The following ADGRV1 variants were observed in gnomAD, a reference collection of about 807,000 sequenced individuals.
ADGRV1 encodes adhesion G protein-coupled receptor V1.
A neutral mutation model predicts 596.2 loss-of-function variants in ADGRV1; 359 were observed. The observed-to-expected ratio is 0.60, with a 90% CI of 0.55 to 0.66. ADGRV1 has a LOEUF of 0.66. Ranked by LOEUF, ADGRV1 falls within the 30% of genes least tolerant of loss-of-function variation. The pLI, the probability that ADGRV1 is intolerant of heterozygous loss-of-function variation, is 0.00. For missense variants in ADGRV1, 7,274 were observed against 7,575.6 expected (o/e 0.96, Z 1.48); for synonymous variants, 2,681 against 2,679.2 (o/e 1.00, Z -0.02).
intron 85 of ADGRV1, among the ~76,000 whole-genome samples, chr5:91,040,688 C>A (rs1785267789): frequency 6.6e-6 from 1 of 152,154 alleles, no homozygotes; most frequent in African/African-American, 2.4e-5. Context: ...ATGATGACAA[C>A]AAGATACTGA....
chr5:90,867,505 C>A (rs149392099), intron 83 of ADGRV1, among the ~76,000 whole-genome samples: 1 of 152,136 alleles, frequency 6.6e-6, no homozygotes, highest in African/African-American at 2.4e-5. Flanking sequence ...AGGGAGGATC[C>A]TACTCAGACA....
chr5:90,799,383 C>T (rs1375378642), intron 70 of ADGRV1, among the ~76,000 whole-genome samples: 1 of 152,058 alleles, frequency 6.6e-6, no homozygotes. Context: ...ATGTGAAGGA[C>T]CTTTTCAAGG....
chr5:90,710,961 A>G lies in ADGRV1; in HGVS notation c.8825-20A>G, dbSNP rs778848156. 45 of 1,449,790 alleles carry G rather than the reference A, an allele frequency of 3.1e-5. No homozygotes were observed. The highest frequency in any genetic ancestry group is 4.3e-5 in the Non-Finnish European group (45 of 1,038,770). The allele number at this position is 1,449,790 out of a possible 1,614,324, so 89.8% of individuals were successfully genotyped here. The stretch of plus-strand genomic sequence containing the variant: ...TAATCATTTATATGTATTTTAAGAT[A>G]TGCTTCTATGTTTTTTAAGATTCAG... On this transcript the variant is annotated intron_variant, in intron 39 of 89. Transcript: ENST00000405460.
At chr5:91,090,159 C>T (rs968953163) in intron 86 of ADGRV1, among the ~76,000 whole-genome samples, 1 of 152,096 alleles carries the variant, frequency 6.6e-6, no homozygotes, top group Non-Finnish European at 1.5e-5. Context: ...TTTTTCTTCA[C>T]TAGAAGAAAA....
intron 21 of ADGRV1, among the ~76,000 whole-genome samples, chr5:90,671,563 T>G (rs998801861): frequency 6.6e-6 from 1 of 152,228 alleles, no homozygotes; most frequent in Non-Finnish European, 1.5e-5. Flanking sequence ...AACTTTCGAC[T>G]ATTGTCGGTT....
intron 83 of ADGRV1, among the ~76,000 whole-genome samples, chr5:90,958,497 G>T (rs1321545832): frequency 4.0e-5 from 6 of 151,634 alleles, no homozygotes. Context: ...CTATTTGTTT[G>T]CTAGGGCTGC....
intron 75 of ADGRV1, 35 bp from the exon 76 acceptor site, chr5:90,823,390 C>T: frequency 6.2e-7 from 1 of 1,602,488 alleles, no homozygotes; most frequent in Non-Finnish European, 8.5e-7. Context: ...GGATGACACC[C>T]TCTGTTAAGG....
chr5:91,084,794 G>A (rs1481243268), intron 86 of ADGRV1, among the ~76,000 whole-genome samples: 1 of 152,152 alleles, frequency 6.6e-6, no homozygotes, highest in Non-Finnish European at 1.5e-5. Context: ...GTTTATTGAG[G>A]CACTATTCAC....
At chr5:90,725,307 A>C in intron 47 of ADGRV1, 75 bp downstream of exon 47, 1 of 990,000 alleles carries the variant, frequency 1.0e-6, no homozygotes, top group Non-Finnish European at 1.4e-6. Context: ...TTCAAATTGG[A>C]AGATAATGTA....
chr5:90,579,997 A>G (rs1370914984), intron 1 of ADGRV1, among the ~76,000 whole-genome samples: 1 of 151,874 alleles, frequency 6.6e-6, no homozygotes, highest in Admixed American at 6.6e-5. Flanking sequence ...TTTTGAGCCT[A>G]TGTGCATCTT....
intron 83 of ADGRV1, among the ~76,000 whole-genome samples, chr5:90,894,748 A>G (rs955262119): frequency 6.6e-6 from 1 of 152,154 alleles, no homozygotes; most frequent in Non-Finnish European, 1.5e-5. Context: ...AAGAATGAAT[A>G]TGGAACCTGT....
chr5:90,925,168 A>G (rs1417908463), intron 83 of ADGRV1, among the ~76,000 whole-genome samples: 3 of 152,240 alleles, frequency 2.0e-5, no homozygotes, highest in African/African-American at 7.2e-5. Flanking sequence ...TTCTGTGAAG[A>G]AAGTCATTGG....
chr5:90,679,518 G>A lies in ADGRV1; in HGVS notation c.5444-31G>A, dbSNP rs781176561. ...TTCTCATTGTGTCAATGTGTGTTGT[G>A]TGGGTTGTGTCTCTGTGTCTCCTTG... On this transcript the variant is annotated intron_variant, in intron 25 of 89. Coordinates refer to ENST00000405460, the MANE Select transcript of ADGRV1 (RefSeq NM_032119.4). 1.3e-5 allele frequency: 20 copies of A among 1,529,676 alleles called. No homozygotes were observed. In the Admixed American group the frequency reaches 3.4e-4, roughly 26 times the overall value. The allele number at this position is 1,529,676 out of a possible 1,614,324, so 94.8% of individuals were successfully genotyped here. A position where few individuals can be genotyped will look rare whatever the true frequency, so the allele number is the denominator to read the frequency against.
In ADGRV1 at chr5:90,630,590, T is replaced by G. The variant is rs1765377789; in HGVS notation, c.1839+1051T>G. On this transcript the variant is annotated intron_variant, in intron 9 of 89. Coordinates refer to ENST00000405460, the MANE Select transcript of ADGRV1 (RefSeq NM_032119.4). Reference sequence around the variant, plus strand: ...TTATGTAAATCAATTAAATACAGAATCAGGTAGTGTGAATGGACTGACAAG... The same window carrying G: ...TTATGTAAATCAATTAAATACAGAAGCAGGTAGTGTGAATGGACTGACAAG... 3 of 152,312 alleles carry G rather than the reference T, an allele frequency of 2.0e-5. No individual in the cohort carries two copies. The South Asian group carries it at 6.2e-4, about 32-fold the overall frequency. 9.4% of individuals were successfully genotyped at this position (152,312 alleles called of 1,614,324 possible).
chr5:90,708,199 A>G (rs1193096071), intron 38 of ADGRV1, among the ~76,000 whole-genome samples: 2 of 152,078 alleles, frequency 1.3e-5, no homozygotes, highest in Non-Finnish European at 2.9e-5. Context: ...TGTTTTTGGT[A>G]TCTGCCTTGT....
chr5:90,745,356 A>C, intron 51 of ADGRV1, 91 bp downstream of exon 51: 1 of 845,184 alleles, frequency 1.2e-6, no homozygotes, highest in Non-Finnish European at 1.8e-6. Flanking sequence ...TGACTGAAAA[A>C]TATACAAAAT....
intron 22 of ADGRV1, 75 bp downstream of exon 22, chr5:90,672,797 T>C (rs1772673093): frequency 5.3e-6 from 6 of 1,141,498 alleles, no homozygotes; most frequent in Non-Finnish European, 6.2e-6. Context: ...TGTAATTTCT[T>C]TGCAGCTTTT....
At chr5:90,864,232 T>A (rs1767879356) in intron 83 of ADGRV1, among the ~76,000 whole-genome samples, 1 of 152,178 alleles carries the variant, frequency 6.6e-6, no homozygotes, top group African/African-American at 2.4e-5. Flanking sequence ...TAAGATGATA[T>A]AAACTTTTAA....
intron 83 of ADGRV1, among the ~76,000 whole-genome samples, chr5:90,890,401 G>A (rs1343646899): frequency 3.9e-5 from 6 of 152,096 alleles, no homozygotes; most frequent in Admixed American, 3.9e-4. Context: ...ATACAGCACA[G>A]CGGTTAACAA....
Sources: allele counts gnomAD v4.1 joint callset (sites outside exome capture counted in the v4.1 genomes callset), GRCh38; gene constraint gnomAD v4.1.1; transcripts MANE v1.5; gene names NCBI Gene and HGNC (gene_info 2026-07-23, HGNC 2026-07-21).